RABGEF1: variants seen among roughly 807,000 people sequenced by gnomAD.
RABGEF1 encodes the protein rab5 GDP/GTP exchange factor.
RABGEF1 carries 26 observed loss-of-function variants against 57.3 expected under a neutral mutation model. The observed-to-expected ratio is 0.45, with a 90% confidence interval of 0.33 to 0.63. RABGEF1 has a LOEUF of 0.63. RABGEF1 is among the 20% of genes least tolerant of loss of function. The pLI is 0.02. For missense variants in RABGEF1, 464 were observed against 607.6 expected (o/e 0.76, Z 2.48); for synonymous variants, 185 against 210.7 (o/e 0.88, Z 1.06).
At chr7:66,790,684 G>A (rs1053132993) in intron 4 of RABGEF1, among the ~76,000 whole-genome samples, 2 of 152,112 alleles carry the variant, frequency 1.3e-5, no homozygotes, top group African/African-American at 2.4e-5. Context: ...AAATACTTTT[G>A]ACTTTCCCTA....
At chr7:66,742,911 G>T (rs1021205200) in intron 1 of RABGEF1, among the ~76,000 whole-genome samples, 1 of 152,136 alleles carries the variant, frequency 6.6e-6, no homozygotes, top group South Asian at 2.1e-4. Flanking sequence ...CTGGAGGGTC[G>T]TTACTAAAGT....
At chr7:66,804,144 T>C (rs1265272995) in intron 7 of RABGEF1, among the ~76,000 whole-genome samples, 1 of 151,570 alleles carries the variant, frequency 6.6e-6, no homozygotes, top group African/African-American at 2.4e-5. Context: ...AGTGCTGTGG[T>C]ATGATCGTAG....
At chr7:66,693,399 C>T (rs1037613109) in intron 1 of RABGEF1, among the ~76,000 whole-genome samples, 20 of 152,216 alleles carry the variant, frequency 1.3e-4, no homozygotes, top group Non-Finnish European at 2.5e-4. Flanking sequence ...TCCCTGGTTT[C>T]CTGGCCTGGG....
chr7:66,758,190 C>T (rs1286964162), intron 1 of RABGEF1, among the ~76,000 whole-genome samples: 1 of 152,164 alleles, frequency 6.6e-6, no homozygotes. Flanking sequence ...AGGGAAACTA[C>T]TCACATCTGC....
rs538985597 is a variant in RABGEF1 at position 66,760,031 on chromosome 7, A to G, written c.-17-11852A>G. ...ACCATACAAAACACCCTTATCATAT[A>G]GAGCATAGGGCTAGTACAAGACCTC... On this transcript the variant is annotated intron_variant, in intron 1 of 8. Coordinates refer to ENST00000284957, the MANE Select transcript of RABGEF1 (RefSeq NM_014504.3). Among the ~76,000 whole-genome samples the G allele has an allele frequency of 6.6e-5, 10 of 152,316 alleles. No individual in the cohort carries two copies. The South Asian group carries it at 2.1e-3, about 32-fold the overall frequency.
chr7:66,700,977 A>G (rs562631609), intron 1 of RABGEF1, among the ~76,000 whole-genome samples: 1 of 152,294 alleles, frequency 6.6e-6, no homozygotes, highest in East Asian at 1.9e-4. Flanking sequence ...TGTGGTGGGC[A>G]GCGCTGTCTT....
intron 1 of RABGEF1, among the ~76,000 whole-genome samples, chr7:66,759,566 C>T (rs182100266): frequency 6.6e-4 from 100 of 152,268 alleles, no homozygotes; most frequent in African/African-American, 2.1e-3. Flanking sequence ...TTAATTGGCT[C>T]ACAGTTCTAC....
At chr7:66,766,197 G>A (rs771654364) in intron 1 of RABGEF1, among the ~76,000 whole-genome samples, 1 of 151,928 alleles carries the variant, frequency 6.6e-6, no homozygotes, top group African/African-American at 2.4e-5. Context: ...CAATTAGCCA[G>A]GCATGGTGGC....
At chr7:66,745,347 A>G (rs1799955058) in intron 1 of RABGEF1, among the ~76,000 whole-genome samples, 1 of 152,198 alleles carries the variant, frequency 6.6e-6, no homozygotes, top group South Asian at 2.1e-4. Context: ...TATTGGCTGC[A>G]GAGGAAACAT....
chr7:66,732,488 G>A (rs575991015), intron 2 of RABGEF1, among the ~76,000 whole-genome samples: 2 of 152,174 alleles, frequency 1.3e-5, no homozygotes, highest in African/African-American at 4.8e-5. Flanking sequence ...GCAAGTGGAG[G>A]TCCATATACC....
At chr7:66,754,126 C>T (rs1465716622) in intron 1 of RABGEF1, among the ~76,000 whole-genome samples, 2 of 148,448 alleles carry the variant, frequency 1.3e-5, no homozygotes, top group Admixed American at 1.3e-4. Flanking sequence ...CCTCACCTCC[C>T]GCGTAGCTGG....
At chr7:66,661,036 G>C in the RABGEF1 span, among the ~76,000 whole-genome samples, 5 of 151,978 alleles carry the variant, frequency 3.3e-5, no homozygotes, top group Non-Finnish European at 5.9e-5. Flanking sequence ...CCAGCTGGGC[G>C]TGGTGGCCCA....
chr7:66,757,492 C>T (rs1445913933), intron 1 of RABGEF1, among the ~76,000 whole-genome samples: 6 of 152,222 alleles, frequency 3.9e-5, no homozygotes, highest in Non-Finnish European at 7.3e-5. Context: ...TTTTTACTTA[C>T]ATTTGTATCC....
At chr7:66,682,697 C>A (rs1304756279) in intron 1 of RABGEF1, among the ~76,000 whole-genome samples, 1 of 32,380 alleles carries the variant, frequency 3.1e-5, no homozygotes, top group Non-Finnish European at 5.5e-5. Flanking sequence ...AGACCACAGC[C>A]CCCGGCCGCG....
At chr7:66,765,959 T>TA (rs909587805) in intron 1 of RABGEF1, among the ~76,000 whole-genome samples, 1 of 152,102 alleles carries the variant, frequency 6.6e-6, no homozygotes. Flanking sequence ...GTACAAAATT[T>TA]AAAAAAACTT....
chr7:66,788,968 T>A lies in RABGEF1; in HGVS notation c.513+5127T>A, dbSNP rs180916980. Among the ~76,000 whole-genome samples the A allele has an allele frequency of 8.0e-3, 1,207 of 151,822 alleles. 19 individuals carry two copies. The highest frequency in any genetic ancestry group is 0.027 in the African/African-American group (1,113 of 41,394). On this transcript the variant is annotated intron_variant, in intron 4 of 8. Transcript: ENST00000284957. ...AAAAAAACTCTGTCTCAAAAAAAAA[T>A]AATAATAATAATCTGATACTGATTA...
At chr7:66,676,652 A>T in the RABGEF1 span, among the ~76,000 whole-genome samples, 1 of 152,186 alleles carries the variant, frequency 6.6e-6, no homozygotes, top group Non-Finnish European at 1.5e-5. Flanking sequence ...CAGTGGTGTA[A>T]TCCTAGCTCA....
intron 4 of RABGEF1, 107 bp downstream of exon 4, chr7:66,783,948 C>G: frequency 9.2e-7 from 1 of 1,088,420 alleles, no homozygotes. Context: ...AAATCCAGAC[C>G]AAGAGATGTT....
At chr7:66,702,359 G>A (rs1176995878) in intron 1 of RABGEF1, among the ~76,000 whole-genome samples, 3 of 139,270 alleles carry the variant, frequency 2.2e-5, no homozygotes, top group African/African-American at 5.0e-5. Context: ...GTGTGTGTGT[G>A]TGTGTGTGTG....
Sources: allele counts gnomAD v4.1 joint callset (sites outside exome capture counted in the v4.1 genomes callset), GRCh38; gene constraint gnomAD v4.1.1; transcripts MANE v1.5; gene names NCBI Gene and HGNC (gene_info 2026-07-23, HGNC 2026-07-21).